The following ABCB1 variants were observed in gnomAD, a reference collection of about 807,000 sequenced individuals.
ABCB1 encodes ATP-dependent translocase ABCB1.
Under a neutral mutation model 142.0 loss-of-function variants are expected in ABCB1, and 69 were observed. The observed-to-expected ratio is 0.49, with a 90% CI of 0.40 to 0.59. ABCB1 has a LOEUF of 0.59. Among genes scored for constraint, ABCB1 ranks in the 20% least tolerant of loss-of-function variants. ABCB1 has a pLI of 0.00. For missense variants in ABCB1, 1,326 were observed against 1,554.7 expected, an observed-to-expected ratio of 0.85 and a Z score of 2.47; for synonymous variants, 532 against 539.2, an observed-to-expected ratio of 0.99 and a Z score of 0.18.
chr7:87,668,172 T>C (rs1201161834), intron 1 of ABCB1, among the ~76,000 whole-genome samples: 1 of 151,968 alleles, frequency 6.6e-6, no homozygotes, highest in African/African-American at 2.4e-5. Context: ...GAGCTCATTA[T>C]TGGTCTGCTC....
intron 1 of ABCB1, among the ~76,000 whole-genome samples, chr7:87,631,240 A>T (rs1236760085): frequency 6.6e-6 from 1 of 152,246 alleles, no homozygotes; most frequent in Non-Finnish European, 1.5e-5. Context: ...GAAGAAAGTC[A>T]CTATAGGCCA....
At chr7:87,597,363 C>G (rs1274529370) in intron 2 of ABCB1, among the ~76,000 whole-genome samples, 2 of 151,922 alleles carry the variant, frequency 1.3e-5, no homozygotes, top group Non-Finnish European at 2.9e-5. Context: ...ACTATTATCC[C>G]AGCATTATCT....
intron 7 of ABCB1, 89 bp downstream of exon 7, chr7:87,565,981 T>A: frequency 1.4e-6 from 2 of 1,401,988 alleles, no homozygotes; most frequent in Admixed American, 1.7e-5. Flanking sequence ...AGAATCAGAG[T>A]CATCATGTAG....
chr7:87,517,165 T>G (rs1226515160), intron 23 of ABCB1, among the ~76,000 whole-genome samples: 1 of 152,138 alleles, frequency 6.6e-6, no homozygotes, highest in Non-Finnish European at 1.5e-5. Flanking sequence ...AATGGCCCAT[T>G]TTTTTCCCTC....
intron 4 of ABCB1, among the ~76,000 whole-genome samples, chr7:87,583,451 C>T (rs555471614): frequency 8.5e-5 from 13 of 152,156 alleles, no homozygotes; most frequent in Admixed American, 5.9e-4. Context: ...TTCTCTTTCC[C>T]GTTCTCAAGA....
intron 1 of ABCB1, among the ~76,000 whole-genome samples, chr7:87,659,020 A>T (rs1343545810): frequency 6.6e-6 from 1 of 152,074 alleles, no homozygotes; most frequent in East Asian, 1.9e-4. Flanking sequence ...AGACATGGTG[A>T]TATGCGTCTG....
intron 4 of ABCB1, among the ~76,000 whole-genome samples, chr7:87,571,252 G>T (rs553491047): frequency 6.6e-6 from 1 of 152,314 alleles, no homozygotes; most frequent in African/African-American, 2.4e-5. Flanking sequence ...TTTGACAGGG[G>T]TAGGAAGTGT....
chr7:87,578,176 G>A (rs543518319), intron 4 of ABCB1, among the ~76,000 whole-genome samples: 11 of 152,120 alleles, frequency 7.2e-5, no homozygotes, highest in East Asian at 3.9e-4. Flanking sequence ...TTGAAGAGAC[G>A]GTCTTTTCCC....
chr7:87,519,408 T>C lies in ABCB1; in HGVS notation c.2845A>G (p.Met949Val). 1.9e-6 allele frequency: 3 copies of C among 1,614,132 alleles called. No homozygotes were observed. Among genetic ancestry groups the C allele is most frequent in the Non-Finnish European group, 2.5e-6 (3 of 1,179,984 alleles). Residue 949 changes from methionine to valine, a missense_variant, in exon 23 of 28, where the codon ATG becomes GTG. Physicochemically the swap from Met to Val is conservative, Grantham distance 21. Coordinates refer to ENST00000622132, the MANE Select transcript of ABCB1 (RefSeq NM_001348946.2). ...AAACATCCAGCATAGGAAAAATACA[T>C]CATTGCCTGGGTGAAGGAAAATGTA... The part of the protein sequence containing the change: ...GITFSFTQAM[M>V]YFSYAGCFRF...
At chr7:87,675,653 C>CAAAAAAAAAAAAAAAAAAAAGAAAAAAGA in intron 1 of ABCB1, among the ~76,000 whole-genome samples, 1 of 65,852 alleles carries the variant, frequency 1.5e-5, no homozygotes, top group Non-Finnish European at 3.3e-5. Flanking sequence ...TATTCACATG[C>CAAAAAAAAAAAAAAAAAAAAGAAAAAAGA]AAAAAAAAAA....
In ABCB1 at chr7:87,515,238, C is replaced by T; in HGVS notation, c.3275G>A (p.Gly1092Glu). 6.2e-7 allele frequency: 1 copy of T among 1,613,598 alleles called. No homozygotes were observed. The highest frequency in any genetic ancestry group is 8.5e-7 in the Non-Finnish European group (1 of 1,180,004). The change falls in exon 25 of 28, where the codon GGG becomes GAG. Residue 1092 changes from glycine (G) to glutamate (E), a missense_variant. Physicochemically the swap from Gly to Glu is moderately conservative, Grantham distance 98. Transcript: ENST00000622132. ...ATGTGAAAGTGTGCTCACCACTTTC[C>T]CTGCCAAGGGGTCGTAGAACCGCTC... ...LLERFYDPLA[G>E]KVLLDGKEIK...
At chr7:87,682,016 T>A (rs1826976937) in intron 1 of ABCB1, among the ~76,000 whole-genome samples, 1 of 152,236 alleles carries the variant, frequency 6.6e-6, no homozygotes, top group African/African-American at 2.4e-5. Context: ...TAAGTTCATT[T>A]AATATCTTAA....
chr7:87,593,232 T>C (rs538204509), intron 3 of ABCB1, among the ~76,000 whole-genome samples: 3 of 152,190 alleles, frequency 2.0e-5, no homozygotes, highest in East Asian at 3.9e-4. Context: ...TGACCAAGAG[T>C]GTATAATCTC....
At chr7:87,504,698 G>C (rs919156770) in intron 27 of ABCB1, among the ~76,000 whole-genome samples, 1 of 151,902 alleles carries the variant, frequency 6.6e-6, no homozygotes, top group Non-Finnish European at 1.5e-5. Context: ...CCAGCTAGTC[G>C]GGAGGCTGAG....
chr7:87,571,370 T>C (rs943510959), intron 4 of ABCB1, among the ~76,000 whole-genome samples: 1 of 152,044 alleles, frequency 6.6e-6, no homozygotes, highest in Non-Finnish European at 1.5e-5. Flanking sequence ...TTGAGCAAAA[T>C]AGGATATAAT....
At chr7:87,507,355 T>C (rs28401815) in intron 26 of ABCB1, among the ~76,000 whole-genome samples, 7,455 of 152,262 alleles carry the variant, frequency 0.049, 576 homozygotes, top group African/African-American at 0.17. Flanking sequence ...GGTTCCCCAA[T>C]TTGAGCCTGC....
chr7:87,510,106 T>A (rs1814941643), intron 25 of ABCB1, among the ~76,000 whole-genome samples: 1 of 152,134 alleles, frequency 6.6e-6, no homozygotes, highest in Non-Finnish European at 1.5e-5. Context: ...AAGTGTAAAG[T>A]CATAAATTGG....
intron 1 of ABCB1, among the ~76,000 whole-genome samples, chr7:87,667,326 A>G (rs906777668): frequency 6.6e-6 from 1 of 151,148 alleles, no homozygotes; most frequent in Non-Finnish European, 1.5e-5. Flanking sequence ...TGATTTTTGT[A>G]CATTGATTTT....
chr7:87,657,175 C>T lies in ABCB1; in HGVS notation c.-331+55986G>A, dbSNP rs1027780119. 2.6e-5 allele frequency among the ~76,000 whole-genome samples: 4 copies of T among 152,192 alleles called. 1 individual carries two copies. The highest frequency in any genetic ancestry group is 6.8e-3 in the Middle Eastern group (2 of 294). ...AAAGACTGGTTAAGGACACTAGAAC[C>T]TTAGGAATGACACAGTAGTGGGTTG... On this transcript the variant is annotated intron_variant, in intron 1 of 28. Transcript: ENST00000265724.
Sources: gnomAD v4.1 joint callset for allele counts (sites outside exome capture counted in the v4.1 genomes callset) on GRCh38, gnomAD v4.1.1 for gene constraint, MANE v1.5 for transcripts, NCBI Gene and HGNC (gene_info 2026-07-23, HGNC 2026-07-21) for gene names.